The following CALN1 variants were observed in gnomAD, a reference collection of about 807,000 sequenced individuals.
CALN1 encodes calneuron 1.
A neutral mutation model predicts 30.6 loss-of-function variants in CALN1; 17 were observed. The observed-to-expected ratio is 0.56, with a 90% CI of 0.38 to 0.83. The LOEUF is 0.83. Among genes scored for constraint, CALN1 ranks in the 40% least tolerant of loss-of-function variants. CALN1 has a pLI of 0.00. For missense variants in CALN1, 291 were observed against 354.9 expected, an observed-to-expected ratio of 0.82 and a Z score of 1.45; for synonymous variants, 156 against 131.4, an observed-to-expected ratio of 1.19 and a Z score of -1.28.
At chr7:72,403,850 T>TA (rs1806520728) in intron 1 of CALN1, among the ~76,000 whole-genome samples, 1 of 152,118 alleles carries the variant, frequency 6.6e-6, no homozygotes, top group Non-Finnish European at 1.5e-5. Flanking sequence ...CCACAGAAAC[T>TA]AAATGGGGGA....
chr7:71,976,533 G>A (rs889343785), intron 5 of CALN1, among the ~76,000 whole-genome samples: 2 of 152,218 alleles, frequency 1.3e-5, no homozygotes, highest in African/African-American at 4.8e-5. Flanking sequence ...CAGGAGCGCT[G>A]GGCGCAGGGA....
chr7:72,329,615 T>C (rs1389689237), intron 2 of CALN1, among the ~76,000 whole-genome samples: 1 of 152,202 alleles, frequency 6.6e-6, no homozygotes, highest in African/African-American at 2.4e-5. Flanking sequence ...CCCCACTTTA[T>C]CCCTTCATGT....
At chr7:72,375,199 T>C (rs974659361) in intron 2 of CALN1, among the ~76,000 whole-genome samples, 1 of 152,176 alleles carries the variant, frequency 6.6e-6, no homozygotes, top group African/African-American at 2.4e-5. Flanking sequence ...CTGGCTCTTT[T>C]CTCACGGTCT....
chr7:71,886,970 AG>A (rs1792947613), intron 5 of CALN1, among the ~76,000 whole-genome samples: 1 of 152,080 alleles, frequency 6.6e-6, no homozygotes, highest in Non-Finnish European at 1.5e-5. Flanking sequence ...AACTTAGGGG[AG>A]AGAGTGCCTA....
intron 3 of CALN1, among the ~76,000 whole-genome samples, chr7:72,152,107 T>C (rs1196722520): frequency 2.0e-5 from 3 of 152,002 alleles, no homozygotes; most frequent in Non-Finnish European, 2.9e-5. Context: ...GGTTTCACCA[T>C]GTTGGCCAGG....
At chr7:72,336,594 G>A (rs1562900899) in intron 2 of CALN1, 1 of 714,772 alleles carries the variant, frequency 1.4e-6, no homozygotes, top group Non-Finnish European at 1.7e-6. Context: ...TGAGCACCAG[G>A]GCCCGCGACA....
At chr7:72,320,536 A>C (rs1183586189) in intron 2 of CALN1, among the ~76,000 whole-genome samples, 2 of 152,164 alleles carry the variant, frequency 1.3e-5, no homozygotes, top group African/African-American at 4.8e-5. Flanking sequence ...AAGTTGAGCA[A>C]TTAGAATTAC....
At chr7:72,277,191 G>C (rs975732375) in intron 3 of CALN1, among the ~76,000 whole-genome samples, 8 of 151,998 alleles carry the variant, frequency 5.3e-5, no homozygotes, top group Non-Finnish European at 1.5e-5. Flanking sequence ...AGACTTCCAA[G>C]CCTCCCAAAC....
At chr7:71,918,136 C>T (rs1794771678) in intron 5 of CALN1, among the ~76,000 whole-genome samples, 1 of 152,144 alleles carries the variant, frequency 6.6e-6, no homozygotes, top group African/African-American at 2.4e-5. Context: ...CAACTGAGTG[C>T]TATGTAAAAC....
chr7:71,895,276 T>A (rs533256007), intron 5 of CALN1, among the ~76,000 whole-genome samples: 2 of 152,152 alleles, frequency 1.3e-5, no homozygotes, highest in African/African-American at 4.8e-5. Flanking sequence ...TTTCAATTTG[T>A]GTGTAATTTT....
chr7:72,404,082 C>G (rs1341328196), intron 1 of CALN1, among the ~76,000 whole-genome samples: 1 of 152,200 alleles, frequency 6.6e-6, no homozygotes, highest in East Asian at 1.9e-4. Flanking sequence ...CTTTCTACCT[C>G]TCTCTGGTAT....
At chr7:71,851,735 A>C (rs182512615) in intron 5 of CALN1, among the ~76,000 whole-genome samples, 74 of 152,224 alleles carry the variant, frequency 4.9e-4, no homozygotes, top group Non-Finnish European at 2.5e-4. Context: ...GAGGCTTTGC[A>C]TGGATCTAAG....
At chr7:71,844,511 T>G (rs906975363) in intron 5 of CALN1, among the ~76,000 whole-genome samples, 2 of 152,196 alleles carry the variant, frequency 1.3e-5, no homozygotes, top group Non-Finnish European at 2.9e-5. Flanking sequence ...TCATTTCAAT[T>G]GGAACAAATT....
intron 2 of CALN1, among the ~76,000 whole-genome samples, chr7:72,398,323 G>A (rs1264843425): frequency 2.6e-5 from 4 of 152,188 alleles, no homozygotes; most frequent in Admixed American, 2.6e-4. Flanking sequence ...AAACTAGAGA[G>A]AAAAGTTCCC....
chr7:72,262,797 C>A (rs1033285151), intron 3 of CALN1, among the ~76,000 whole-genome samples: 1 of 152,194 alleles, frequency 6.6e-6, no homozygotes, highest in Non-Finnish European at 1.5e-5. Flanking sequence ...TTATTGGTTC[C>A]TCTTCCCTCT....
chr7:72,285,552 C>T (rs1285036687), intron 2 of CALN1, among the ~76,000 whole-genome samples: 5 of 152,070 alleles, frequency 3.3e-5, no homozygotes, highest in East Asian at 3.9e-4. Context: ...TCTTACTGTA[C>T]TTTTTTAAAG....
intron 5 of CALN1, among the ~76,000 whole-genome samples, chr7:71,875,987 C>A (rs1388065823): frequency 6.6e-6 from 1 of 152,170 alleles, no homozygotes; most frequent in Non-Finnish European, 1.5e-5. Context: ...CCAACCTCCA[C>A]AGAAACCTAT....
intron 5 of CALN1, among the ~76,000 whole-genome samples, chr7:71,932,096 T>C (rs992109880): frequency 2.6e-5 from 4 of 152,210 alleles, no homozygotes; most frequent in African/African-American, 9.6e-5. Context: ...GGTAGCCGCC[T>C]TGGAGTCCCA....
intron 5 of CALN1, among the ~76,000 whole-genome samples, chr7:71,862,553 A>G (rs1791352041): frequency 6.6e-6 from 1 of 152,104 alleles, no homozygotes; most frequent in Non-Finnish European, 1.5e-5. Context: ...TGGAACTGTG[A>G]GTCTATTACA....
Sources: gnomAD v4.1 joint callset for allele counts (sites outside exome capture counted in the v4.1 genomes callset) on GRCh38, gnomAD v4.1.1 for gene constraint, MANE v1.5 for transcripts, NCBI Gene and HGNC (gene_info 2026-07-23, HGNC 2026-07-21) for gene names.